Variants in EHBP1 observed in about 807,000 individuals in gnomAD.
EHBP1 encodes the protein EH domain-binding protein 1.
EHBP1 carries 55 observed loss-of-function variants against 144.0 expected under a neutral mutation model. The observed-to-expected ratio is 0.38, with a 90% CI of 0.31 to 0.48. EHBP1 has a LOEUF of 0.48. EHBP1 is among the 20% of genes least tolerant of loss of function. EHBP1 has a pLI of 0.98. For synonymous variants in EHBP1, 469 were observed against 472.7 expected (o/e 0.99, Z 0.10); for missense variants, 1,200 against 1,364.2 (o/e 0.88, Z 1.90).
intron 8 of EHBP1, among the ~76,000 whole-genome samples, chr2:62,861,929 A>T (rs1477777141): frequency 6.6e-6 from 1 of 152,116 alleles, no homozygotes; most frequent in African/African-American, 2.4e-5. Context: ...TCTTATTTTT[A>T]TTGACCCATT....
intron 13 of EHBP1, among the ~76,000 whole-genome samples, chr2:62,949,840 C>T (rs1277462575): frequency 1.3e-5 from 2 of 152,068 alleles, no homozygotes; most frequent in African/African-American, 4.8e-5. Flanking sequence ...ACTTGTATCT[C>T]TGGTACCATC....
chr2:62,874,655 C>A, intron 10 of EHBP1, 123 bp downstream of exon 10: 1 of 817,058 alleles, frequency 1.2e-6, no homozygotes. Flanking sequence ...ATATCCAAGA[C>A]AATCTATTGT....
intron 10 of EHBP1, among the ~76,000 whole-genome samples, chr2:62,898,786 A>T (rs536194277): frequency 1.3e-5 from 2 of 152,286 alleles, no homozygotes; most frequent in South Asian, 4.1e-4. Context: ...AAGAGGGGAG[A>T]AAAGAGGATC....
intron 2 of EHBP1, among the ~76,000 whole-genome samples, chr2:62,729,500 T>C (rs1185811411): frequency 3.4e-5 from 3 of 88,452 alleles, no homozygotes; most frequent in African/African-American, 4.7e-5. Context: ...TATAAATATA[T>C]AATAAATATA....
At chr2:63,032,907 T>C (rs1446990371) in intron 19 of EHBP1, among the ~76,000 whole-genome samples, 1 of 152,226 alleles carries the variant, frequency 6.6e-6, no homozygotes, top group Non-Finnish European at 1.5e-5. Flanking sequence ...GTTTGTACTC[T>C]TAATATTATA....
intron 10 of EHBP1, among the ~76,000 whole-genome samples, chr2:62,927,523 G>A (rs1476370236): frequency 6.6e-6 from 1 of 151,968 alleles, no homozygotes; most frequent in Non-Finnish European, 1.5e-5. Context: ...AGAGACAAAG[G>A]ACATTATATA....
intron 19 of EHBP1, among the ~76,000 whole-genome samples, chr2:63,027,526 C>T (rs2153324265): frequency 6.6e-6 from 1 of 152,192 alleles, no homozygotes; most frequent in East Asian, 1.9e-4. Flanking sequence ...TGTTGAAATC[C>T]TGTTCAAGTT....
At chr2:62,800,825 C>T (rs568155189) in intron 5 of EHBP1, among the ~76,000 whole-genome samples, 2 of 152,302 alleles carry the variant, frequency 1.3e-5, no homozygotes, top group East Asian at 1.9e-4. Context: ...TTTGAGTTCA[C>T]TTTCATTTTG....
In EHBP1 at chr2:62,996,770, C is replaced by A. The variant is rs760797076; in HGVS notation, c.3103+4C>A. ...CTTCGCTATCTCATGGACACAGGTA[C>A]GGTGCCCAATTACACTGTAAACAGT... On this transcript the variant is annotated splice_donor_region_variant and intron_variant, in intron 19 of 22. Transcript: ENST00000431489. 6.2e-7 allele frequency: 1 copy of A among 1,611,322 alleles called. No individual in the cohort carries two copies. Among genetic ancestry groups the A allele is most frequent in the Non-Finnish European group, 8.5e-7 (1 of 1,178,930 alleles).
In EHBP1 at chr2:62,949,067, A is replaced by G. The variant is rs768705231; in HGVS notation, c.2221A>G (p.Lys741Glu). 1.2e-5 allele frequency: 19 copies of G among 1,608,214 alleles called. No individual in the cohort carries two copies. In the Admixed American group the frequency reaches 1.4e-4, roughly 12 times the overall value. Reference protein sequence around the residue: ...YSYSRDLDLAKKKHASLRQTE... With the variant: ...YSYSRDLDLAEKKHASLRQTE... ...ATATAGTAGAGATCTAGACCTTGCT[A>G]AGAAAAAACATGCTTCCCTGAGGCA... is the stretch of plus-strand genomic sequence containing the variant. The change falls in exon 13 of 23, where the codon AAG becomes GAG. Residue 741 changes from lysine to glutamate, a missense_variant. Lys to Glu is a moderately conservative substitution (Grantham distance 56, BLOSUM62 1). This residue lies in a region of EHBP1 where 543 missense variants were observed against 513.1 expected (regional missense o/e 1.06). Coordinates refer to ENST00000431489, the MANE Select transcript of EHBP1 (RefSeq NM_001142616.3).
intron 13 of EHBP1, among the ~76,000 whole-genome samples, chr2:62,955,061 A>C (rs2057613036): frequency 6.6e-6 from 1 of 152,054 alleles, no homozygotes; most frequent in Non-Finnish European, 1.5e-5. Context: ...TTTTCTATAA[A>C]CATTCTCAAG....
At chr2:62,880,835 A>G (rs2051341976) in intron 10 of EHBP1, among the ~76,000 whole-genome samples, 1 of 152,158 alleles carries the variant, frequency 6.6e-6, no homozygotes. Context: ...CACTATGGAA[A>G]ACAGTTTGGA....
intron 5 of EHBP1, among the ~76,000 whole-genome samples, chr2:62,789,275 A>G (rs2043018505): frequency 6.6e-6 from 1 of 152,236 alleles, no homozygotes; most frequent in African/African-American, 2.4e-5. Context: ...TATATGTAGT[A>G]GAAAAAGACC....
intron 14 of EHBP1, among the ~76,000 whole-genome samples, chr2:62,968,158 C>CAA (rs1016741024): frequency 1.3e-5 from 2 of 152,050 alleles, no homozygotes; most frequent in Non-Finnish European, 2.9e-5. Flanking sequence ...ATTCTGAGTA[C>CAA]AATCCAAAGG....
chr2:62,730,282 C>A (rs1256742319), intron 2 of EHBP1, among the ~76,000 whole-genome samples: 1 of 152,018 alleles, frequency 6.6e-6, no homozygotes, highest in Non-Finnish European at 1.5e-5. Flanking sequence ...CTCTGAAAAT[C>A]CTCTGAAATC....
At chr2:62,707,370 A>T in intron 2 of EHBP1, 75 bp downstream of exon 2, 1 of 1,101,232 alleles carries the variant, frequency 9.1e-7, no homozygotes, top group South Asian at 1.3e-5. Flanking sequence ...GGGTCTTCTG[A>T]TAGTATATTT....
Position 62,874,325 on chromosome 2 carries a change from A to G in EHBP1, c.999-21A>G, listed in dbSNP as rs370884852. The G allele has an allele frequency of 3.4e-5, 51 of 1,514,638 alleles. No individual in the cohort carries two copies. In the African/African-American group the frequency reaches 6.4e-4, roughly 19 times the overall value. 93.8% of individuals were successfully genotyped at this position (1,514,638 alleles called of 1,614,324 possible). A position where few individuals can be genotyped will look rare whatever the true frequency, so the allele number is the denominator to read the frequency against. ...AACTATTTTTTGAGAGACATCTAAC[A>G]ATAATTCTTCTTTCACTTAGATCAA... On this transcript the variant is annotated intron_variant, in intron 9 of 22. Coordinates refer to ENST00000431489, the MANE Select transcript of EHBP1 (RefSeq NM_001142616.3).
intron 10 of EHBP1, among the ~76,000 whole-genome samples, chr2:62,878,497 G>T (rs2051083499): frequency 6.6e-6 from 1 of 152,020 alleles, no homozygotes; most frequent in Non-Finnish European, 1.5e-5. Flanking sequence ...CCAAAACTTG[G>T]CAAAGACACA....
At chr2:62,799,123 G>A (rs1037782488) in intron 5 of EHBP1, among the ~76,000 whole-genome samples, 1 of 151,696 alleles carries the variant, frequency 6.6e-6, no homozygotes, top group East Asian at 1.9e-4. Context: ...CTAAAGGAAA[G>A]ATGTATGGTT....
Sources: allele counts gnomAD v4.1 joint callset (sites outside exome capture counted in the v4.1 genomes callset), GRCh38; gene constraint gnomAD v4.1.1; regional missense constraint gnomAD v4.1.1; transcripts MANE v1.5; gene names NCBI Gene and HGNC (gene_info 2026-07-23, HGNC 2026-07-21).